ZNF726: variants seen among roughly 807,000 people sequenced by gnomAD.
The protein encoded by ZNF726 is zinc finger protein 92 pseudogene 3.
In ZNF726, 15 loss-of-function variants were observed where a neutral mutation model predicts 11.6. The ratio of observed to expected loss-of-function variants is 1.29; its 90% CI spans 0.86 to 1.99. ZNF726 has a LOEUF of 1.99. Among genes scored for constraint, ZNF726 ranks in the 30% most tolerant of loss-of-function variants. ZNF726 has a pLI of 0.00. For missense variants in ZNF726, 890 were observed against 725.6 expected, an observed-to-expected ratio of 1.23 and a Z score of -2.60; for synonymous variants, 295 against 243.6, an observed-to-expected ratio of 1.21 and a Z score of -1.96.
chr19:23,933,499 A>G lies in ZNF726; in HGVS notation c.1383A>G (p.Ala461=), dbSNP rs754088219. ...KPYKCEECSK[A]FSRSSALTTH... is the part of the protein sequence containing the mutation. ...ACAAATGTGAAGAATGTAGTAAAGC[A>G]TTTAGCCGATCCTCAGCCCTAACTA... The change falls in exon 4 of 4, where the codon GCA becomes GCG. Residue 461 remains alanine (A), a synonymous_variant. Transcript: ENST00000594466. 1.1e-5 allele frequency: 17 copies of G among 1,612,072 alleles called. No individual in the cohort carries two copies. Among genetic ancestry groups the G allele is most frequent in the Non-Finnish European group, 1.2e-5 (14 of 1,179,694 alleles).
chr19:23,932,340 TA>T lies in ZNF726; in HGVS notation c.227-2del. 7.4e-7 allele frequency: 1 copy of T among 1,347,722 alleles called. No individual in the cohort carries two copies. The highest frequency in any genetic ancestry group is 2.5e-5 in the South Asian group (1 of 40,706). The allele number at this position is 1,347,722 out of a possible 1,614,324, so 83.5% of individuals were successfully genotyped here. On this transcript the variant is annotated splice_acceptor_variant, in intron 3 of 3. Coordinates refer to ENST00000594466, the MANE Select transcript of ZNF726 (RefSeq NM_001244038.2). LOFTEE classifies it high-confidence loss of function. ...GGAGTAAATTATTTTAATTTTTTTT[TA>T]GGTATATGTCCTCATTTTGCTCAAG...
downstream of ZNF726, among the ~76,000 whole-genome samples, chr19:23,937,245 A>G (rs1345819001): frequency 1.5e-5 from 2 of 134,060 alleles, no homozygotes; most frequent in African/African-American, 5.8e-5. Context: ...GCTGACCCCC[A>G]CCTCCCTCCC....
In ZNF726 at chr19:23,920,848, C is replaced by T. The variant is rs1967830381; in HGVS notation, c.226+766C>T. 3 of 143,596 alleles carry T rather than the reference C, an allele frequency of 2.1e-5. No individual in the cohort carries two copies. The Admixed American group carries it at 2.1e-4, about 10-fold the overall frequency. The allele number at this position is 143,596 out of a possible 1,614,324, so 8.9% of individuals were successfully genotyped here. On this transcript the variant is annotated intron_variant, in intron 3 of 3. Coordinates refer to ENST00000594466, the MANE Select transcript of ZNF726 (RefSeq NM_001244038.2). ...TGTTTATTTAATATGGCCGTTTTTA[C>T]TTCCTGCAGAAAGGGTATACTCGCC...
chr19:23,925,563 A>G (rs1156297133), intron 3 of ZNF726, among the ~76,000 whole-genome samples: 1 of 151,988 alleles, frequency 6.6e-6, no homozygotes, highest in Admixed American at 6.6e-5. Context: ...CATTTAAATG[A>G]GTGTGAGGGG....
rs1035700800 is a variant in ZNF726, at chr19:23,932,800, C to T, written c.684C>T (p.Pro228=). The change falls in exon 4 of 4, where the codon CCC becomes CCT. Residue 228 remains proline, a synonymous_variant. Transcript: ENST00000594466. ...NHKKTHTEEK[P]YKCEEYGKAF... ...AGAAAACTCATACTGAAGAAAAGCC[C>T]TACAAATGTGAAGAATATGGCAAAG... 23 of 1,610,936 alleles carry T rather than the reference C, an allele frequency of 1.4e-5. No individual in the cohort carries two copies. The highest frequency in any genetic ancestry group is 1.8e-5 in the Non-Finnish European group (21 of 1,178,698).
intron 3 of ZNF726, chr19:23,921,288 T>A (rs933639017): frequency 6.6e-6 from 1 of 152,020 alleles, no homozygotes; most frequent in Non-Finnish European, 1.5e-5. Context: ...AGAGCAAGAC[T>A]CTCTCTCGAT....
chr19:23,933,927 G>A lies in ZNF726; in HGVS notation c.1811G>A (p.Trp604Ter), dbSNP rs776008178. ...KCDECGKSFI[W>*]SSTLFKHKRI... ...GACGAATGTGGCAAATCATTTATCT[G>A]GTCCTCAACCCTTTTTAAGCATAAG... is the stretch of plus-strand genomic sequence containing the variant. The change falls in exon 4 of 4, where the codon TGG (tryptophan) becomes TAG (stop). Residue 604 changes from tryptophan (W) to a stop codon, truncating the protein, a stop_gained. Transcript: ENST00000594466. LOFTEE classifies it low-confidence loss of function (END_TRUNC). 514 of 1,583,812 alleles carry A rather than the reference G, an allele frequency of 3.2e-4. No homozygotes were observed. The highest frequency in any genetic ancestry group is 4.2e-4 in the Non-Finnish European group (485 of 1,164,850).
Position 23,932,395 on chromosome 19 carries a change from T to G in ZNF726, c.279T>G (p.Asp93Glu), listed in dbSNP as rs536936184. The G allele has an allele frequency of 3.0e-5, 46 of 1,524,040 alleles. No individual in the cohort carries two copies. Among genetic ancestry groups the G allele is most frequent in the Non-Finnish European group, 3.8e-5 (43 of 1,142,214 alleles). The allele number at this position is 1,524,040 out of a possible 1,614,324, so 94.4% of individuals were successfully genotyped here. The change falls in exon 4 of 4, where the codon GAT becomes GAG. Residue 93 changes from aspartate (D) to glutamate (E), a missense_variant. Physicochemically the swap from Asp to Glu is conservative, Grantham distance 45 (BLOSUM62 2). Coordinates refer to ENST00000594466, the MANE Select transcript of ZNF726 (RefSeq NM_001244038.2). ...TTTGGCCAGAGCAGGGCGTGGAAGATTCTTTTCAAAAAGTAATACTAAGAA... is the reference window on the plus strand; with the variant it reads ...TTTGGCCAGAGCAGGGCGTGGAAGAGTCTTTTCAAAAAGTAATACTAAGAA... The part of the protein sequence containing the change: ...QDIWPEQGVE[D>E]SFQKVILRRF...
At chr19:23,944,483 T>A (rs1968387662) in intron 4 of ZNF726, 1 of 152,978 alleles carries the variant, frequency 6.5e-6, no homozygotes. Context: ...TTTACTAATG[T>A]TATTTGCCCA....
chr19:23,933,108 A>G lies in ZNF726; in HGVS notation c.992A>G (p.His331Arg), dbSNP rs572956841. 55 of 1,612,370 alleles carry G rather than the reference A, an allele frequency of 3.4e-5. No homozygotes were observed. The South Asian group carries it at 5.3e-4, about 15-fold the overall frequency. ...GTTTGGTCCTCAACCCTAACTAGAC[A>G]TAAGAGGCTGCACAGTGGAGAGAAA... ...AFVWSSTLTR[H>R]KRLHSGEKPY... Residue 331 changes from histidine (H) to arginine (R), a missense_variant, in exon 4 of 4, where the codon CAT (histidine) becomes CGT (arginine). His to Arg is a conservative substitution (Grantham distance 29, BLOSUM62 0). Coordinates refer to ENST00000594466, the MANE Select transcript of ZNF726 (RefSeq NM_001244038.2).
downstream of ZNF726, chr19:23,935,758 G>A (rs74704500): frequency 1.1e-4 from 19 of 176,974 alleles, 1 homozygote; most frequent in East Asian, 2.2e-3. Flanking sequence ...TTATTGCACC[G>A]GTAAGCATTT....
intron 3 of ZNF726, among the ~76,000 whole-genome samples, chr19:23,941,409 A>T (rs1045659463): frequency 6.6e-6 from 1 of 152,082 alleles, no homozygotes; most frequent in Non-Finnish European, 1.5e-5. Flanking sequence ...TTTAGCATCA[A>T]TGTTTGTCAA....
rs561867774 is a variant in ZNF726 at position 23,932,418 on chromosome 19, G to A, written c.302G>A (p.Arg101Lys). 6.4e-7 allele frequency: 1 copy of A among 1,558,912 alleles called. No homozygotes were observed. Among genetic ancestry groups the A allele is most frequent in the Non-Finnish European group, 8.6e-7 (1 of 1,157,406 alleles). ...GATTCTTTTCAAAAAGTAATACTAA[G>A]AAGATTTGAAAAATGTGGACATGAG... ...VEDSFQKVILRRFEKCGHENL... is the reference protein window; with the variant it reads ...VEDSFQKVILKRFEKCGHENL... Residue 101 changes from arginine (R) to lysine (K), a missense_variant, in exon 4 of 4, where the codon AGA becomes AAA. Physicochemically the swap from Arg to Lys is conservative, Grantham distance 26 (BLOSUM62 2). Transcript: ENST00000594466.
chr19:23,941,794 G>A (rs141387565), intron 3 of ZNF726, among the ~76,000 whole-genome samples: 14 of 152,024 alleles, frequency 9.2e-5, no homozygotes, highest in East Asian at 1.9e-4. Context: ...AATTTTTTGC[G>A]TTTCAGTGGT....
At chr19:23,938,008 T>C (rs969621140), downstream of ZNF726, among the ~76,000 whole-genome samples, 3 of 152,226 alleles carry the variant, frequency 2.0e-5, no homozygotes, top group Non-Finnish European at 4.4e-5. Flanking sequence ...CATGAATTCA[T>C]TGAAGCATTA....
chr19:23,932,056 C>G (rs1968117790), intron 3 of ZNF726, among the ~76,000 whole-genome samples: 1 of 152,136 alleles, frequency 6.6e-6, no homozygotes, highest in Non-Finnish European at 1.5e-5. Context: ...GCAGGAAAAG[C>G]TGTGTTGGGT....
At chr19:23,940,637 C>A (rs573591986) in intron 3 of ZNF726, among the ~76,000 whole-genome samples, 4 of 152,054 alleles carry the variant, frequency 2.6e-5, no homozygotes, top group Non-Finnish European at 2.9e-5. Context: ...GGATGTGTTT[C>A]TATTTGTTTG....
Position 23,932,686 on chromosome 19 carries a change from G to A in ZNF726, c.570G>A (p.Gln190=). 2 of 1,592,202 alleles carry A rather than the reference G, an allele frequency of 1.3e-6. No individual in the cohort carries two copies. Among genetic ancestry groups the A allele is most frequent in the African/African-American group, 1.4e-5 (1 of 73,686 alleles). The change falls in exon 4 of 4, where the codon CAG becomes CAA. Residue 190 remains glutamine, a synonymous_variant. Coordinates refer to ENST00000594466, the MANE Select transcript of ZNF726 (RefSeq NM_001244038.2). The stretch of plus-strand genomic sequence containing the variant: ...TTTGCATGTTTTCACACAAAACCCA[G>A]CATAAAAGCATATATACTACAGAGA... The part of the protein sequence containing the change: ...KSFCMFSHKT[Q]HKSIYTTEKS...
chr19:23,931,789 C>G (rs1273933910), intron 3 of ZNF726, among the ~76,000 whole-genome samples: 1 of 152,100 alleles, frequency 6.6e-6, no homozygotes, highest in Non-Finnish European at 1.5e-5. Flanking sequence ...ACTTGCTACA[C>G]CTGTTCCTTT....
Sources: allele counts gnomAD v4.1 joint callset (sites outside exome capture counted in the v4.1 genomes callset), GRCh38; gene constraint gnomAD v4.1.1; transcripts MANE v1.5; gene names NCBI Gene and HGNC (gene_info 2026-07-23, HGNC 2026-07-21).